UBE4B: variants seen among roughly 807,000 people sequenced by gnomAD.
UBE4B encodes ubiquitination factor E4B, also known as ubiquitin conjugation factor E4 B.
UBE4B carries 27 observed loss-of-function variants against 148.1 expected under a neutral mutation model. That is an observed-to-expected ratio of 0.18 (90% CI 0.13 to 0.25). UBE4B has a LOEUF of 0.25. Among genes scored for constraint, UBE4B ranks in the 10% least tolerant of loss-of-function variants. The pLI, the probability that UBE4B is intolerant of heterozygous loss-of-function variation, is 1.00. For synonymous variants in UBE4B, 596 were observed against 619.3 expected (o/e 0.96, Z 0.56); for missense variants, 1,170 against 1,662.4 (o/e 0.70, Z 5.15).
At chr1:10,107,363 G>C in intron 7 of UBE4B, 4 of 1,288,592 alleles carry the variant, frequency 3.1e-6, no homozygotes, top group Non-Finnish European at 4.0e-6. Flanking sequence ...CTTGTGTCCA[G>C]TTTGGGTCCA....
chr1:10,136,467 A>C (rs896490859), intron 16 of UBE4B, among the ~76,000 whole-genome samples: 12 of 150,806 alleles, frequency 8.0e-5, no homozygotes, highest in Non-Finnish European at 1.8e-4. Flanking sequence ...ACTAGGTGAC[A>C]GAGTAAGACC....
chr1:10,066,010 TATATC>T (rs1482161123), intron 1 of UBE4B, among the ~76,000 whole-genome samples: 8 of 151,370 alleles, frequency 5.3e-5, no homozygotes, highest in Non-Finnish European at 1.2e-4. Flanking sequence ...GAATATAACA[TATATC>T]ATTGTTCCCC....
rs536316580 is a variant in UBE4B at position 10,069,248 on chromosome 1, G to A, written c.25-2780G>A. On this transcript the variant is annotated intron_variant, in intron 1 of 27. Coordinates refer to ENST00000343090, the MANE Select transcript of UBE4B (RefSeq NM_001105562.3). The stretch of plus-strand genomic sequence containing the variant: ...ATGCTCTTCCAATGATAATGATAAC[G>A]TCAACTAATAAATTAGTCAATTTTA... Among the ~76,000 whole-genome samples the A allele has an allele frequency of 1.1e-4, 16 of 152,180 alleles. No individual in the cohort carries two copies. The East Asian group carries it at 2.7e-3, about 26-fold the overall frequency.
In UBE4B at chr1:10,047,091, A is replaced by G. The variant is rs115337275; in HGVS notation, c.24+13397A>G. 6.5e-3 allele frequency among the ~76,000 whole-genome samples: 983 copies of G among 152,216 alleles called. 9 individuals are homozygous for G. The highest frequency in any genetic ancestry group is 0.022 in the African/African-American group (907 of 41,528). On this transcript the variant is annotated intron_variant, in intron 1 of 27. Transcript: ENST00000343090. The stretch of plus-strand genomic sequence containing the variant: ...CTGAGGGTTGCCATTCTTCCATCCT[A>G]CAGTATCTGTGCCCATGCTGACCCC...
chr1:10,091,233 G>C (rs556614924), intron 2 of UBE4B, among the ~76,000 whole-genome samples: 3 of 152,254 alleles, frequency 2.0e-5, no homozygotes, highest in Non-Finnish European at 2.9e-5. Context: ...GAAGATGAAG[G>C]AAGAAAAAAC....
intron 1 of UBE4B, among the ~76,000 whole-genome samples, chr1:10,052,261 A>G (rs1644063347): frequency 6.6e-6 from 1 of 151,638 alleles, no homozygotes; most frequent in Admixed American, 6.6e-5. Flanking sequence ...TTGTAGAGAC[A>G]GGGTCTCACT....
chr1:10,082,931 A>G (rs1644708359), intron 2 of UBE4B, among the ~76,000 whole-genome samples: 1 of 150,210 alleles, frequency 6.7e-6, no homozygotes, highest in African/African-American at 2.5e-5. Context: ...TTTCTGTGTT[A>G]GTTTACTGAG....
chr1:10,147,803 G>A (rs990305151), intron 19 of UBE4B, among the ~76,000 whole-genome samples: 1 of 152,078 alleles, frequency 6.6e-6, no homozygotes, highest in African/African-American at 2.4e-5. Context: ...TCATCAACTG[G>A]TCATCTCCTC....
chr1:10,085,779 C>A (rs983222203), intron 2 of UBE4B, among the ~76,000 whole-genome samples: 10 of 151,978 alleles, frequency 6.6e-5, no homozygotes, highest in Admixed American at 2.6e-4. Flanking sequence ...TCAAAGCCCT[C>A]CTGTATTCAG....
intron 1 of UBE4B, among the ~76,000 whole-genome samples, chr1:10,060,946 A>C (rs1276679415): frequency 6.6e-6 from 1 of 152,040 alleles, no homozygotes; most frequent in Non-Finnish European, 1.5e-5. Flanking sequence ...TCATCTTACT[A>C]TGCTGCTCAG....
chr1:10,096,878 A>G (rs1292868732), intron 3 of UBE4B, among the ~76,000 whole-genome samples: 1 of 151,950 alleles, frequency 6.6e-6, no homozygotes, highest in Non-Finnish European at 1.5e-5. Context: ...GTCTCTACTA[A>G]AAATACAAAA....
Position 10,063,405 on chromosome 1 carries a change from G to T in UBE4B, c.25-8623G>T, listed in dbSNP as rs1644325063. Among the ~76,000 whole-genome samples, 4 of 152,062 alleles carry T rather than the reference G, an allele frequency of 2.6e-5. No homozygotes were observed. In the South Asian group the frequency reaches 8.3e-4, roughly 32 times the overall value. Reference sequence around the variant, plus strand: ...CTCCTTCTGTATTTTCAATTTTAGGGTATTTTACCATTCATTTAGGTATCC... The same window carrying T: ...CTCCTTCTGTATTTTCAATTTTAGGTTATTTTACCATTCATTTAGGTATCC... On this transcript the variant is annotated intron_variant, in intron 1 of 27. Transcript: ENST00000343090.
chr1:10,107,249 C>T, intron 7 of UBE4B: 1 of 1,289,642 alleles, frequency 7.8e-7, no homozygotes, highest in Non-Finnish European at 1.0e-6. Context: ...TCTCCTTCCT[C>T]TTCCTCGCAC....
chr1:10,045,972 T>C (rs1310407916), intron 1 of UBE4B, among the ~76,000 whole-genome samples: 1 of 152,230 alleles, frequency 6.6e-6, no homozygotes, highest in Admixed American at 6.5e-5. Flanking sequence ...AATAGAAGTC[T>C]GGGTAGGAGG....
chr1:10,045,775 A>G (rs1041074913), intron 1 of UBE4B, among the ~76,000 whole-genome samples: 2 of 152,164 alleles, frequency 1.3e-5, no homozygotes, highest in African/African-American at 4.8e-5. Context: ...AGAAAGGGTC[A>G]AACACTAGAT....
chr1:10,112,191 TG>T (rs1016627771), intron 7 of UBE4B, among the ~76,000 whole-genome samples: 6 of 152,116 alleles, frequency 3.9e-5, no homozygotes, highest in African/African-American at 1.4e-4. Context: ...AGTAATTACT[TG>T]GTTACATTGG....
rs1348124284 is a variant in UBE4B, at chr1:10,126,960, C to T, written c.1638+83C>T. 2.5e-6 allele frequency: 3 copies of T among 1,202,410 alleles called. No homozygotes were observed. In the East Asian group the frequency reaches 7.1e-5, roughly 28 times the overall value. The allele number at this position is 1,202,410 out of a possible 1,614,324, so 74.5% of individuals were successfully genotyped here. A position where few individuals can be genotyped will look rare whatever the true frequency, so the allele number is the denominator to read the frequency against. On this transcript the variant is annotated intron_variant, in intron 11 of 27. Transcript: ENST00000343090. ...TTTGACATATACTTTTCTTTCAGGT[C>T]CATGAGATCAACCTTGTTTTCAAAT... is the stretch of plus-strand genomic sequence containing the variant.
At chr1:10,115,051 T>A (rs1242871589) in intron 7 of UBE4B, among the ~76,000 whole-genome samples, 1 of 152,150 alleles carries the variant, frequency 6.6e-6, no homozygotes, top group African/African-American at 2.4e-5. Context: ...CTTTCACCTG[T>A]CAGGCCTATG....
chr1:10,127,020 G>A, intron 11 of UBE4B, 143 bp downstream of exon 11: 1 of 730,690 alleles, frequency 1.4e-6, no homozygotes, highest in Non-Finnish European at 2.3e-6. Context: ...GCCATGCAGA[G>A]TGTTTGGTGT....
Sources: allele counts gnomAD v4.1 joint callset (sites outside exome capture counted in the v4.1 genomes callset), GRCh38; gene constraint gnomAD v4.1.1; transcripts MANE v1.5; gene names NCBI Gene and HGNC (gene_info 2026-07-23, HGNC 2026-07-21).